The following SLC25A48 variants were observed in gnomAD, a reference collection of about 807,000 sequenced individuals.
SLC25A48 encodes CTC-321K16.1.
Under a neutral mutation model 32.2 loss-of-function variants are expected in SLC25A48, and 29 were observed. The ratio of observed to expected loss-of-function variants is 0.90; its 90% CI spans 0.67 to 1.23. The LOEUF is 1.23. Among genes scored for constraint, SLC25A48 ranks in the 50% most tolerant of loss-of-function variants. SLC25A48 has a pLI of 0.00. For synonymous variants in SLC25A48, 164 were observed against 172.3 expected, an observed-to-expected ratio of 0.95 and a Z score of 0.38; for missense variants, 399 against 422.7, an observed-to-expected ratio of 0.94 and a Z score of 0.49.
chr5:135,775,087 GA>G lies in SLC25A48; in HGVS notation c.-520-37435del, dbSNP rs536839314. 1.9e-3 allele frequency among the ~76,000 whole-genome samples: 290 copies of G among 151,880 alleles called. 1 individual carries two copies. The highest frequency in any genetic ancestry group is 6.7e-3 in the African/African-American group (278 of 41,442). On this transcript the variant is annotated intron_variant, in intron 3 of 10. Coordinates refer to the SLC25A48 transcript ENST00000646290. The stretch of plus-strand genomic sequence containing the variant: ...GTTCCCAATATATAGTGAAGGAGAA[GA>G]TGATATTACTTCCAAAATTGCATGG...
chr5:135,835,822 A>G (rs1368803610), intron 1 of SLC25A48, among the ~76,000 whole-genome samples: 1 of 151,830 alleles, frequency 6.6e-6, no homozygotes, highest in East Asian at 1.9e-4. Flanking sequence ...TTGGATCCCA[A>G]CTCCTCCCCT....
At chr5:135,846,382 T>C (rs1199812717) in intron 2 of SLC25A48, among the ~76,000 whole-genome samples, 2 of 152,176 alleles carry the variant, frequency 1.3e-5, no homozygotes, top group Non-Finnish European at 2.9e-5. Context: ...GTTCTTGTTT[T>C]GCTTCAACAT....
At chr5:135,882,683 A>G (rs1762561341) in intron 7 of SLC25A48, among the ~76,000 whole-genome samples, 1 of 151,976 alleles carries the variant, frequency 6.6e-6, no homozygotes, top group South Asian at 2.1e-4. Context: ...CATCCCGACC[A>G]CTTACCAGTG....
intron 1 of SLC25A48, among the ~76,000 whole-genome samples, chr5:135,614,826 G>A (rs1349114767): frequency 1.3e-5 from 2 of 152,192 alleles, no homozygotes; most frequent in African/African-American, 4.8e-5. Context: ...GGGCCCTGGT[G>A]TGAGATGATT....
chr5:135,765,910 G>A (rs11242266), intron 3 of SLC25A48, among the ~76,000 whole-genome samples: 46,432 of 151,102 alleles, frequency 0.31, 7,294 homozygotes, highest in East Asian at 0.46. Context: ...TATGGTTCAA[G>A]ATATCCCAGG....
intron 1 of SLC25A48, among the ~76,000 whole-genome samples, chr5:135,600,580 C>T (rs1035581498): frequency 3.9e-5 from 6 of 152,202 alleles, no homozygotes; most frequent in Non-Finnish European, 8.8e-5. Flanking sequence ...TGGAATGCCT[C>T]CTCCTTCAGG....
At chr5:135,879,845 T>C in intron 6 of SLC25A48, 123 bp from the exon 7 acceptor site, 1 of 1,383,050 alleles carries the variant, frequency 7.2e-7, no homozygotes, top group Non-Finnish European at 9.6e-7. Flanking sequence ...GCACAGGTCC[T>C]TTGGGCTCTG....
chr5:135,639,117 T>C (rs1056381656), intron 3 of SLC25A48, among the ~76,000 whole-genome samples: 1 of 152,206 alleles, frequency 6.6e-6, no homozygotes, highest in Admixed American at 6.5e-5. Context: ...AAAAATGATA[T>C]TCAGATACCA....
intron 1 of SLC25A48, among the ~76,000 whole-genome samples, chr5:135,580,338 A>C (rs930190602): frequency 7.9e-5 from 12 of 152,178 alleles, no homozygotes; most frequent in African/African-American, 2.9e-4. Context: ...GAGGTGGATC[A>C]TCTCAAGCTC....
intron 1 of SLC25A48, among the ~76,000 whole-genome samples, chr5:135,585,700 A>T (rs548556503): frequency 5.3e-5 from 8 of 152,330 alleles, no homozygotes; most frequent in African/African-American, 1.9e-4. Flanking sequence ...TTACAGAGTC[A>T]GACTTCCTGG....
intron 3 of SLC25A48, among the ~76,000 whole-genome samples, chr5:135,739,846 T>C (rs1755460722): frequency 6.6e-6 from 1 of 152,112 alleles, no homozygotes; most frequent in Non-Finnish European, 1.5e-5. Context: ...CCACACTGAA[T>C]GGTGTGTTTT....
At chr5:135,604,914 A>G (rs1272107168) in intron 1 of SLC25A48, among the ~76,000 whole-genome samples, 2 of 152,040 alleles carry the variant, frequency 1.3e-5, no homozygotes, top group East Asian at 3.8e-4. Context: ...GTAAGTGGGT[A>G]ATAATAACAC....
At chr5:135,760,124 C>T (rs541519037) in intron 3 of SLC25A48, among the ~76,000 whole-genome samples, 1 of 152,296 alleles carries the variant, frequency 6.6e-6, no homozygotes, top group South Asian at 2.1e-4. Flanking sequence ...AGCCACCGCG[C>T]CCGGCCCCTG....
intron 3 of SLC25A48, among the ~76,000 whole-genome samples, chr5:135,734,643 G>A (rs1442052765): frequency 6.6e-6 from 1 of 151,628 alleles, no homozygotes; most frequent in Non-Finnish European, 1.5e-5. Flanking sequence ...GTGAAACCCC[G>A]TCTCTACTAA....
intron 3 of SLC25A48, among the ~76,000 whole-genome samples, chr5:135,806,785 CATT>C (rs1757473313): frequency 6.7e-6 from 1 of 148,944 alleles, no homozygotes. Flanking sequence ...TAAAACTAGA[CATT>C]ATAAATATCA....
intron 1 of SLC25A48, among the ~76,000 whole-genome samples, chr5:135,587,680 A>T (rs772926142): frequency 6.6e-6 from 1 of 152,164 alleles, no homozygotes; most frequent in African/African-American, 2.4e-5. Context: ...TCAAGCAACC[A>T]TCTGAGACAT....
chr5:135,776,423 A>G (rs1289341607), intron 3 of SLC25A48, among the ~76,000 whole-genome samples: 1 of 151,924 alleles, frequency 6.6e-6, no homozygotes, highest in Non-Finnish European at 1.5e-5. Flanking sequence ...TGTTCCAAAT[A>G]TAAAAGGCGG....
chr5:135,609,403 A>C (rs1159377419), intron 1 of SLC25A48: 2 of 152,236 alleles, frequency 1.3e-5, no homozygotes, highest in African/African-American at 4.8e-5. Flanking sequence ...TGAACGACTA[A>C]ATAAACCGGC....
At chr5:135,868,033 T>C (rs1348387226) in intron 4 of SLC25A48, among the ~76,000 whole-genome samples, 2 of 152,226 alleles carry the variant, frequency 1.3e-5, no homozygotes, top group African/African-American at 2.4e-5. Flanking sequence ...ATTTCAAATA[T>C]GAGAAGTCAC....
Sources: gnomAD v4.1 joint callset for allele counts (sites outside exome capture counted in the v4.1 genomes callset) on GRCh38, gnomAD v4.1.1 for gene constraint, MANE v1.5 for transcripts, NCBI Gene and HGNC (gene_info 2026-07-23, HGNC 2026-07-21) for gene names.